Variants in MAP2 observed in about 807,000 individuals in gnomAD.
MAP2 encodes the protein microtubule-associated protein 2.
MAP2 carries 14 observed loss-of-function variants against 137.6 expected under a neutral mutation model. That is an observed-to-expected ratio of 0.10 (90% CI 0.07 to 0.16). The LOEUF (loss-of-function observed/expected upper bound fraction) is 0.16. MAP2 is among the 10% of genes least tolerant of loss of function. The probability of loss-of-function intolerance (pLI) is 1.00; values close to 1 mark genes in which losing one functional copy is unlikely to be tolerated. For synonymous variants in MAP2, 786 were observed against 782.3 expected (o/e 1.00, Z -0.08); for missense variants, 2,088 against 2,191.5 (o/e 0.95, Z 0.94).
At chr2:209,451,164 A>G (rs1700213815) in intron 1 of MAP2, among the ~76,000 whole-genome samples, 1 of 151,916 alleles carries the variant, frequency 6.6e-6, no homozygotes, top group Admixed American at 6.5e-5. Context: ...AGAAGGTTCT[A>G]TAACATGAAG....
chr2:209,653,160 G>C lies in MAP2; in HGVS notation c.-11G>C. The C allele has an allele frequency of 1.9e-6, 3 of 1,570,746 alleles. No homozygotes were observed. The highest frequency in any genetic ancestry group is 2.6e-6 in the Non-Finnish European group (3 of 1,160,676). ...CTTTCAGTTGCAGGAGAAATAACAA[G>C]GCATTGAAGAATGGCAGATGAACGG... On this transcript the variant is annotated 5_prime_UTR_variant, in exon 5 of 16. Transcript: ENST00000682079.
At chr2:209,462,824 A>T (rs1193948557) in intron 1 of MAP2, among the ~76,000 whole-genome samples, 1 of 152,228 alleles carries the variant, frequency 6.6e-6, no homozygotes, top group East Asian at 1.9e-4. Flanking sequence ...TTGCAAAGAC[A>T]TCATTTAAAT....
intron 1 of MAP2, among the ~76,000 whole-genome samples, chr2:209,454,517 A>G (rs1406493838): frequency 1.3e-5 from 2 of 151,840 alleles, no homozygotes; most frequent in African/African-American, 4.8e-5. Context: ...TGTATTTTTT[A>G]GTAGAGATAG....
chr2:209,581,517 T>G (rs2076412915), intron 3 of MAP2, among the ~76,000 whole-genome samples: 1 of 152,194 alleles, frequency 6.6e-6, no homozygotes, highest in Admixed American at 6.5e-5. Flanking sequence ...TTCACCTAGA[T>G]ATTGTAAAAC....
chr2:209,533,840 G>A (rs2065521795), intron 2 of MAP2, among the ~76,000 whole-genome samples: 1 of 152,200 alleles, frequency 6.6e-6, no homozygotes, highest in African/African-American at 2.4e-5. Context: ...GGAGAACTAG[G>A]TTGAGACAGG....
intron 2 of MAP2, among the ~76,000 whole-genome samples, chr2:209,576,369 A>G (rs1047875832): frequency 6.6e-6 from 1 of 151,788 alleles, no homozygotes; most frequent in African/African-American, 2.4e-5. Flanking sequence ...TCAGCTTCCC[A>G]AGTAGCTGGG....
intron 2 of MAP2, among the ~76,000 whole-genome samples, chr2:209,560,278 T>C (rs2071700047): frequency 6.6e-6 from 1 of 152,250 alleles, no homozygotes; most frequent in Non-Finnish European, 1.5e-5. Context: ...ATGAAACATT[T>C]ATGTGAAGAA....
intron 1 of MAP2, among the ~76,000 whole-genome samples, chr2:209,427,540 C>T (rs1002467428): frequency 6.6e-6 from 1 of 152,128 alleles, no homozygotes; most frequent in African/African-American, 2.4e-5. Context: ...TTTTCCCTCC[C>T]TTCACATCAT....
Position 209,435,822 on chromosome 2 carries a change from T to A in MAP2, c.-222+11546T>A, listed in dbSNP as rs529990227. On this transcript the variant is annotated intron_variant, in intron 1 of 15. Transcript: ENST00000682079. ...AACACTAAAGAATGGGATTGTGTGA[T>A]GCTGGTGGAGATGGGTGAGAGTTAG... is the stretch of plus-strand genomic sequence containing the variant. Among the ~76,000 whole-genome samples the A allele has an allele frequency of 1.6e-4, 24 of 150,230 alleles. No homozygotes were observed. In the South Asian group the frequency reaches 1.7e-3, roughly 10 times the overall value.
At chr2:209,619,693 C>T (rs2090564320) in intron 3 of MAP2, among the ~76,000 whole-genome samples, 1 of 152,020 alleles carries the variant, frequency 6.6e-6, no homozygotes, top group Non-Finnish European at 1.5e-5. Flanking sequence ...ACCAATTTAG[C>T]AAAGTGAGTT....
At chr2:209,559,565 C>T (rs145124274) in intron 2 of MAP2, among the ~76,000 whole-genome samples, 6,223 of 150,000 alleles carry the variant, frequency 0.041, 180 homozygotes, top group Non-Finnish European at 0.064. Flanking sequence ...GCAGAAGAAT[C>T]GCTTAAACGC....
intron 3 of MAP2, among the ~76,000 whole-genome samples, chr2:209,615,984 C>A (rs1346194845): frequency 2.0e-5 from 3 of 152,206 alleles, no homozygotes; most frequent in Non-Finnish European, 4.4e-5. Context: ...GCAGAACTTT[C>A]CCACCTTCGG....
chr2:209,694,634 G>C lies in MAP2; in HGVS notation c.2464G>C (p.Val822Leu). ...AGGCACAAGGTCAAGATTGGCTTCT[G>C]TGAGTGCAGATGCTGAGGTTGCCAG... is the stretch of plus-strand genomic sequence containing the variant. ...LAGTRSRLAS[V>L]SADAEVARRK... Residue 822 changes from valine to leucine, a missense_variant, in exon 8 of 16, where the codon GTG (valine) becomes CTG (leucine). Physicochemically the swap from Val to Leu is conservative, Grantham distance 32. Transcript: ENST00000682079. The C allele has an allele frequency of 1.9e-6, 3 of 1,614,150 alleles. No homozygotes were observed. Among genetic ancestry groups the C allele is most frequent in the Non-Finnish European group, 2.5e-6 (3 of 1,180,034 alleles).
chr2:209,640,471 G>A (rs2093930654), intron 4 of MAP2, among the ~76,000 whole-genome samples: 1 of 151,314 alleles, frequency 6.6e-6, no homozygotes, highest in South Asian at 2.1e-4. Flanking sequence ...ATTCTATAAT[G>A]TTCATAACAG....
chr2:209,475,134 CAGTAA>C (rs1162159781), intron 1 of MAP2, among the ~76,000 whole-genome samples: 1 of 152,140 alleles, frequency 6.6e-6, no homozygotes, highest in African/African-American at 2.4e-5. Flanking sequence ...CAATCTGTTA[CAGTAA>C]AGTAATTTGC....
rs541492050 is a variant in MAP2 at position 209,723,589 on chromosome 2, T to G, written c.5074-2120T>G. 3.3e-5 allele frequency: 53 copies of G among 1,586,008 alleles called. 1 individual carries two copies. Among genetic ancestry groups the G allele is most frequent in the Admixed American group, 6.7e-5 (4 of 59,984 alleles). ...GCACAGTGAAGTTACCTCCAATTCCTTTTAGGTTAGGATTTTAAACAAGAA... is the reference window on the plus strand; with the variant it reads ...GCACAGTGAAGTTACCTCCAATTCCGTTTAGGTTAGGATTTTAAACAAGAA... On this transcript the variant is annotated intron_variant, in intron 13 of 15. Coordinates refer to ENST00000682079, the MANE Select transcript of MAP2 (RefSeq NM_001375505.1).
intron 3 of MAP2, among the ~76,000 whole-genome samples, chr2:209,593,130 C>A (rs1164740582): frequency 6.6e-6 from 1 of 151,802 alleles, no homozygotes; most frequent in African/African-American, 2.4e-5. Flanking sequence ...CTGATTGATA[C>A]TTTTCCATAA....
rs568886891 is a variant in MAP2, at chr2:209,446,076, C to T, written c.-222+21800C>T. Among the ~76,000 whole-genome samples the T allele has an allele frequency of 5.3e-5, 8 of 151,400 alleles. No individual in the cohort carries two copies. In the East Asian group the frequency reaches 1.6e-3, roughly 29 times the overall value. The stretch of plus-strand genomic sequence containing the variant: ...TTGTTTAAAATTGTTCAATTTAATG[C>T]CGTAATATGGTCATAAGCTTGATGT... On this transcript the variant is annotated intron_variant, in intron 1 of 15. Coordinates refer to ENST00000682079, the MANE Select transcript of MAP2 (RefSeq NM_001375505.1).
intron 13 of MAP2, chr2:209,723,586 T>C: frequency 6.4e-7 from 1 of 1,568,948 alleles, no homozygotes; most frequent in South Asian, 1.1e-5. Flanking sequence ...TACCTCCAAT[T>C]CCTTTTAGGT....
Sources: allele counts gnomAD v4.1 joint callset (sites outside exome capture counted in the v4.1 genomes callset), GRCh38; gene constraint gnomAD v4.1.1; transcripts MANE v1.5; gene names NCBI Gene and HGNC (gene_info 2026-07-23, HGNC 2026-07-21).